Variants in GNS observed in about 807,000 individuals in gnomAD.
The protein encoded by GNS is N-acetylglucosamine-6-sulfatase.
GNS carries 40 observed loss-of-function variants against 69.7 expected under a neutral mutation model. The ratio of observed to expected loss-of-function variants is 0.57; its 90% CI spans 0.45 to 0.75. The LOEUF is 0.75. GNS is among the 30% of genes least tolerant of loss of function. The pLI is 0.00. For missense variants in GNS, 565 were observed against 685.5 expected (o/e 0.82, Z 1.96); for synonymous variants, 243 against 251.6 (o/e 0.97, Z 0.32).
Position 64,759,093 on chromosome 12 carries a change from C to T in GNS, c.184G>A (p.Gly62Ser). The T allele has an allele frequency of 6.4e-7, 1 of 1,561,478 alleles. No individual in the cohort carries two copies. ...AGAAACAGAAGAGTTACCATGCCGC[C>T]GAGCACTTCGTCCTGGTCGTCCGTG... ...LLTDDQDEVL[G>S]GMTPLKKTKA... Residue 62 changes from glycine (G) to serine (S), a missense_variant, in exon 1 of 14, where the codon GGC becomes AGC. By Grantham distance (56) the Gly-to-Ser change is moderately conservative. This residue lies in a region of GNS where 181 missense variants were observed against 174.4 expected (regional missense o/e 1.04). Transcript: ENST00000258145.
Position 64,728,981 on chromosome 12 carries a change from T to C in GNS, c.1175A>G (p.Asp392Gly). The change falls in exon 10 of 14, where the codon GAT becomes GGT. Residue 392 changes from aspartate to glycine, a missense_variant. Coordinates refer to ENST00000258145, the MANE Select transcript of GNS (RefSeq NM_002076.4). ...CAAAATGGGCAATAAGGACATCCCA[T>C]CCATCTGTGTCTTATTTAGGTCGTA... ...AGYDLNKTQM[D>G]GMSLLPILRG... is the part of the protein sequence containing the mutation. 1 of 1,579,982 alleles carries C rather than the reference T, an allele frequency of 6.3e-7. No individual in the cohort carries two copies. Among genetic ancestry groups the C allele is most frequent in the Non-Finnish European group, 8.7e-7 (1 of 1,148,962 alleles).
At chr12:64,719,123 C>A (rs1034862936) in intron 13 of GNS, among the ~76,000 whole-genome samples, 3 of 152,216 alleles carry the variant, frequency 2.0e-5, no homozygotes, top group Admixed American at 6.5e-5. Context: ...CACTTTGGCA[C>A]TATATACATT....
rs1290374156 is a variant in GNS at position 64,759,359 on chromosome 12, C to T, written c.-83G>A. The T allele has an allele frequency of 1.1e-6, 1 of 949,840 alleles. No individual in the cohort carries two copies. Among genetic ancestry groups the T allele is most frequent in the Non-Finnish European group, 1.5e-6 (1 of 656,560 alleles). The allele number at this position is 949,840 out of a possible 1,614,324, so 58.8% of individuals were successfully genotyped here. On this transcript the variant is annotated 5_prime_UTR_variant, in exon 1 of 14. Transcript: ENST00000258145. ...GCTGAAGGGCGAGAGGCCGACCAGC[C>T]GAAGGAATAAAAAGCCGTGCCTTGA...
intron 6 of GNS, among the ~76,000 whole-genome samples, chr12:64,742,309 T>C (rs554184849): frequency 5.5e-4 from 84 of 152,370 alleles, no homozygotes; most frequent in Middle Eastern, 3.4e-3. Flanking sequence ...CATGAGCCAC[T>C]GCGCCCGGCC....
chr12:64,758,695 C>A (rs762576754), intron 1 of GNS, among the ~76,000 whole-genome samples: 1 of 152,100 alleles, frequency 6.6e-6, no homozygotes, highest in Admixed American at 6.5e-5. Context: ...CTAGGTCCCT[C>A]ATAAAGGGGA....
At chr12:64,745,570 TAA>T in intron 4 of GNS, 87 bp downstream of exon 4, 1 of 874,300 alleles carries the variant, frequency 1.1e-6, no homozygotes, top group African/African-American at 1.6e-5. Flanking sequence ...TAAAAGCAAA[TAA>T]AGTTATGTCA....
intron 10 of GNS, among the ~76,000 whole-genome samples, chr12:64,725,813 G>A (rs1016530965): frequency 6.6e-6 from 1 of 151,744 alleles, no homozygotes; most frequent in Non-Finnish European, 1.5e-5. Context: ...TGGCTAACAC[G>A]GTGAAACCCT....
At chr12:64,739,710 T>C (rs1361455459) in intron 7 of GNS, among the ~76,000 whole-genome samples, 2 of 151,982 alleles carry the variant, frequency 1.3e-5, no homozygotes, top group Non-Finnish European at 2.9e-5. Context: ...GACCTTCCCA[T>C]TGTAAAAAAC....
chr12:64,739,314 G>C (rs940500282), intron 8 of GNS, 67 bp downstream of exon 8: 63 of 868,762 alleles, frequency 7.3e-5, no homozygotes, highest in Non-Finnish European at 1.2e-4. Context: ...CCCTCCCAGG[G>C]CTCATTGGGT....
chr12:64,746,852 G>T (rs1298285414), intron 3 of GNS, among the ~76,000 whole-genome samples: 1 of 152,108 alleles, frequency 6.6e-6, no homozygotes, highest in African/African-American at 2.4e-5. Flanking sequence ...TCATCTTCCT[G>T]TAAACTCACA....
intron 9 of GNS, among the ~76,000 whole-genome samples, chr12:64,732,166 G>GTTTT (rs1565883223): frequency 1.0e-5 from 1 of 98,590 alleles, no homozygotes; most frequent in South Asian, 4.0e-4. Flanking sequence ...TTTTTTTTTT[G>GTTTT]TTGTTTTTTT....
At chr12:64,720,437 C>A (rs551017902) in intron 12 of GNS, among the ~76,000 whole-genome samples, 1 of 152,336 alleles carries the variant, frequency 6.6e-6, no homozygotes, top group African/African-American at 2.4e-5. Context: ...CCCCTGCACA[C>A]CCTGTGCCTT....
In GNS at chr12:64,744,919, A is replaced by G; in HGVS notation, c.526-12T>C. On this transcript the variant is annotated splice_polypyrimidine_tract_variant and intron_variant, in intron 4 of 13. Transcript: ENST00000258145. ...TTAGAATTCTTTTCCTATTAAAAAG[A>G]GGAAAGTCAAATTTGTTATGAGGTC... 1 of 1,246,200 alleles carries G rather than the reference A, an allele frequency of 8.0e-7. No homozygotes were observed. The highest frequency in any genetic ancestry group is 1.2e-6 in the Non-Finnish European group (1 of 844,234). The allele number at this position is 1,246,200 out of a possible 1,614,324, so 77.2% of individuals were successfully genotyped here. A position where few individuals can be genotyped will look rare whatever the true frequency, so the allele number is the denominator to read the frequency against.
intron 6 of GNS, among the ~76,000 whole-genome samples, 156 bp downstream of exon 6, chr12:64,742,985 G>C (rs879229958): frequency 2.0e-5 from 3 of 152,210 alleles, no homozygotes; most frequent in Non-Finnish European, 2.9e-5. Context: ...TACTTGCAAT[G>C]CAAGTTTATA....
rs150862173 is a variant in GNS at position 64,724,302 on chromosome 12, T to C, written c.1201-1189A>G. Among the ~76,000 whole-genome samples the C allele has an allele frequency of 2.6e-5, 4 of 152,316 alleles. No individual in the cohort carries two copies. In the East Asian group the frequency reaches 5.8e-4, roughly 22 times the overall value. ...GCAAATTCTTAGTTCCTAACGTAGG[T>C]AGACAGCAACCTGGGTTTTAGCAAG... On this transcript the variant is annotated intron_variant, in intron 10 of 13. Coordinates refer to ENST00000258145, the MANE Select transcript of GNS (RefSeq NM_002076.4).
At chr12:64,752,876 A>C (rs1305581790) in intron 1 of GNS, 119 bp from the exon 2 acceptor site, 4 of 701,624 alleles carry the variant, frequency 5.7e-6, no homozygotes, top group Non-Finnish European at 1.0e-5. Flanking sequence ...GTCAGCTCTA[A>C]GCAACAGCCA....
intron 10 of GNS, among the ~76,000 whole-genome samples, chr12:64,727,296 C>T (rs1026849608): frequency 4.0e-5 from 6 of 148,342 alleles, no homozygotes; most frequent in Non-Finnish European, 7.4e-5. Flanking sequence ...ATTAGCCAGA[C>T]GTGGTAGCCA....
chr12:64,753,600 G>T (rs574181919), intron 1 of GNS, among the ~76,000 whole-genome samples: 1 of 152,290 alleles, frequency 6.6e-6, no homozygotes, highest in African/African-American at 2.4e-5. Context: ...ATTGAATGCA[G>T]TTTTAAGTAT....
chr12:64,724,543 C>G (rs2620728), intron 10 of GNS, among the ~76,000 whole-genome samples: 62,148 of 152,040 alleles, frequency 0.41, 13,547 homozygotes, highest in East Asian at 0.61. Flanking sequence ...TCTCAGAAAT[C>G]ATGAGTCACT....
Sources: allele counts gnomAD v4.1 joint callset (sites outside exome capture counted in the v4.1 genomes callset), GRCh38; gene constraint gnomAD v4.1.1; regional missense constraint gnomAD v4.1.1; transcripts MANE v1.5; gene names NCBI Gene and HGNC (gene_info 2026-07-23, HGNC 2026-07-21).